Variants in ZNF497 observed in about 807,000 individuals in gnomAD.
ZNF497 encodes zinc finger-like protein.
For synonymous variants in ZNF497, 422 were observed against 313.7 expected (o/e 1.35, Z -3.65); for missense variants, 930 against 714.0 (o/e 1.30, Z -3.45).
chr19:58,356,136 G>T lies in ZNF497; in HGVS notation c.*3C>A. 6.5e-7 allele frequency: 1 copy of T among 1,533,710 alleles called. No homozygotes were observed. On this transcript the variant is annotated 3_prime_UTR_variant, in exon 3 of 3. Transcript: ENST00000311044. ...GCGACCTCCCGCTCAGGGCGTCCTC[G>T]GGTCAGGGCGCAGCGCGGCCCCCGT...
Position 58,357,285 on chromosome 19 carries a change from C to T in ZNF497, c.351G>A (p.Gln117=). 1 of 1,612,292 alleles carries T rather than the reference C, an allele frequency of 6.2e-7. No individual in the cohort carries two copies. ...GCCGATGCTGCAGCAAGTAAGAGCCCTGGCTGAACGCCTTGCCGCACTCCC... is the reference window on the plus strand; with the variant it reads ...GCCGATGCTGCAGCAAGTAAGAGCCTTGGCTGAACGCCTTGCCGCACTCCC... The part of the protein sequence containing the change: ...RCGECGKAFS[Q]GSYLLQHRRV... Residue 117 remains glutamine, a synonymous_variant, in exon 3 of 3, where the codon CAG becomes CAA. Coordinates refer to ENST00000311044, the MANE Select transcript of ZNF497 (RefSeq NM_198458.3).
chr19:58,356,746 C>T lies in ZNF497; in HGVS notation c.890G>A (p.Ser297Asn), dbSNP rs1359296580. The T allele has an allele frequency of 9.6e-6, 15 of 1,561,444 alleles. No homozygotes were observed. The highest frequency in any genetic ancestry group is 5.6e-5 in the Admixed American group (3 of 53,808). Residue 297 changes from serine to asparagine, a missense_variant, in exon 3 of 3, where the codon AGC becomes AAC. Coordinates refer to ENST00000311044, the MANE Select transcript of ZNF497 (RefSeq NM_198458.3). ...AGLRQHRRTH[S>N]SEKPFPCAEC... is the part of the protein sequence containing the mutation. ...GGCGCAGGGGAAGGGCTTCTCGCTG[C>T]TGTGCGTGCGCCGGTGCTGCCGCAG...
rs889948758 is a variant in ZNF497 at position 58,358,392 on chromosome 19, C to T, written c.-15+97G>A. The stretch of plus-strand genomic sequence containing the variant: ...AGCGAAGTCTCTACAGCGAGCAAAA[C>T]CCATCCTCATTTGCCCTGAGCACCT... On this transcript the variant is annotated intron_variant, in intron 2 of 2. Transcript: ENST00000311044. 1.7e-5 allele frequency: 20 copies of T among 1,167,950 alleles called. No homozygotes were observed. The African/African-American group carries it at 1.9e-4, about 11-fold the overall frequency. The allele number at this position is 1,167,950 out of a possible 1,614,324, so 72.3% of individuals were successfully genotyped here. A position where few individuals can be genotyped will look rare whatever the true frequency, so the allele number is the denominator to read the frequency against.
chr19:58,356,747 T>C lies in ZNF497; in HGVS notation c.889A>G (p.Ser297Gly). 1 of 1,566,260 alleles carries C rather than the reference T, an allele frequency of 6.4e-7. No homozygotes were observed. The highest frequency in any genetic ancestry group is 1.8e-5 in the Admixed American group (1 of 54,202). ...GCGCAGGGGAAGGGCTTCTCGCTGC[T>C]GTGCGTGCGCCGGTGCTGCCGCAGC... ...AGLRQHRRTH[S>G]SEKPFPCAEC... The change falls in exon 3 of 3, where the codon AGC becomes GGC. Residue 297 changes from serine (S) to glycine (G), a missense_variant. Ser to Gly is a moderately conservative substitution (Grantham distance 56). Coordinates refer to ENST00000311044, the MANE Select transcript of ZNF497 (RefSeq NM_198458.3).
At chr19:58,359,469 C>T in intron 1 of ZNF497, 2 of 457,638 alleles carry the variant, frequency 4.4e-6, no homozygotes, top group Non-Finnish European at 8.8e-6. Flanking sequence ...CCTGTGTGTC[C>T]AGGTGCCTGA....
rs1396936808 is a variant in ZNF497 at position 58,355,905 on chromosome 19, C to T, written c.*234G>A. 4.0e-6 allele frequency: 2 copies of T among 496,970 alleles called. No homozygotes were observed. Among genetic ancestry groups the T allele is most frequent in the Non-Finnish European group, 6.9e-6 (2 of 289,354 alleles). The allele number at this position is 496,970 out of a possible 1,614,324, so 30.8% of individuals were successfully genotyped here. ...TCGCCGAAGTGGAGCCTGCCGCCCT[C>T]CCTGGGGTAAGAGCCCATCCTACAT... On this transcript the variant is annotated 3_prime_UTR_variant, in exon 3 of 3. Coordinates refer to ENST00000311044, the MANE Select transcript of ZNF497 (RefSeq NM_198458.3).
In ZNF497 at chr19:58,356,757, C is replaced by G. The variant is rs1199431689; in HGVS notation, c.879G>C (p.Arg293=). 3.8e-6 allele frequency: 6 copies of G among 1,559,946 alleles called. No homozygotes were observed. Among genetic ancestry groups the G allele is most frequent in the Non-Finnish European group, 5.2e-6 (6 of 1,159,754 alleles). Residue 293 remains arginine (R), a synonymous_variant, in exon 3 of 3, where the codon CGG becomes CGC. Transcript: ENST00000311044. ...FVRVAGLRQH[R]RTHSSEKPFP... is the part of the protein sequence containing the mutation. Reference sequence around the variant, plus strand: ...AGGGCTTCTCGCTGCTGTGCGTGCGCCGGTGCTGCCGCAGCCCCGCCACAC... The same window carrying G: ...AGGGCTTCTCGCTGCTGTGCGTGCGGCGGTGCTGCCGCAGCCCCGCCACAC...
rs2052027515 is a variant in ZNF497, at chr19:58,356,756, G to C, written c.880C>G (p.Arg294Gly). The C allele has an allele frequency of 1.3e-6, 2 of 1,560,280 alleles. No homozygotes were observed. Among genetic ancestry groups the C allele is most frequent in the Middle Eastern group, 1.7e-4 (1 of 5,896 alleles). The change falls in exon 3 of 3, where the codon CGC (arginine) becomes GGC (glycine). Residue 294 changes from arginine to glycine, a missense_variant. Transcript: ENST00000311044. ...VRVAGLRQHR[R>G]THSSEKPFPC... is the part of the protein sequence containing the mutation. ...AAGGGCTTCTCGCTGCTGTGCGTGCGCCGGTGCTGCCGCAGCCCCGCCACA... is the reference window on the plus strand; with the variant it reads ...AAGGGCTTCTCGCTGCTGTGCGTGCCCCGGTGCTGCCGCAGCCCCGCCACA...
intron 2 of ZNF497, chr19:58,358,176 G>T: frequency 7.8e-7 from 1 of 1,290,008 alleles, no homozygotes; most frequent in Non-Finnish European, 1.0e-6. Flanking sequence ...TGGGCAGCAT[G>T]TCCAGGCTGG....
intron 1 of ZNF497, among the ~76,000 whole-genome samples, chr19:58,360,203 G>A (rs907765228): frequency 6.6e-6 from 1 of 152,172 alleles, no homozygotes; most frequent in Non-Finnish European, 1.5e-5. Flanking sequence ...TGGGAGTGAT[G>A]AAAATATTCT....
rs1402096235 is a variant in ZNF497 at position 58,357,479 on chromosome 19, C to G, written c.157G>C (p.Asp53His). The G allele has an allele frequency of 1.9e-6, 3 of 1,594,034 alleles. No homozygotes were observed. The Admixed American group carries it at 5.2e-5, about 28-fold the overall frequency. The change falls in exon 3 of 3, where the codon GAC becomes CAC. Residue 53 changes from aspartate to histidine, a missense_variant. Coordinates refer to ENST00000311044, the MANE Select transcript of ZNF497 (RefSeq NM_198458.3). ...NSTEVPREAG[D>H]GQRQQATLGA... ...AGTGTGGCTTGCTGCCGCTGGCCGT[C>G]CCCTGCCTCCCTCGGAACCTCCGTG...
rs1328847851 is a variant in ZNF497, at chr19:58,357,079, C to T, written c.557G>A (p.Gly186Asp). 1 of 1,607,974 alleles carries T rather than the reference C, an allele frequency of 6.2e-7. No individual in the cohort carries two copies. The highest frequency in any genetic ancestry group is 8.5e-7 in the Non-Finnish European group (1 of 1,175,966). Residue 186 changes from glycine (G) to aspartate (D), a missense_variant, in exon 3 of 3, where the codon GGC (glycine) becomes GAC (aspartate). Transcript: ENST00000311044. The stretch of plus-strand genomic sequence containing the variant: ...GTCCGGGCAGCGGAAGGGCTTCAGG[C>T]CGCTGTGTGTCTCCTGGTGGTGGAT... The part of the protein sequence containing the change: ...QLIHHQETHS[G>D]LKPFRCPDCG...
At position 58,362,733 on chromosome 19, in the gene ZNF497, G is replaced by C. The variant is rs952640395; in HGVS notation, c.-168C>G. On this transcript the variant is annotated 5_prime_UTR_variant, in exon 1 of 3. Transcript: ENST00000311044. ...GCGGCCTGAAAGAGGCCCGCACGCG[G>C]GCTCGAGCCGCGTGGAATGGTAGGA... The C allele has an allele frequency of 6.6e-6, 1 of 152,304 alleles. No homozygotes were observed. 9.4% of individuals were successfully genotyped at this position (152,304 alleles called of 1,614,324 possible).
intron 2 of ZNF497, chr19:58,357,860 C>G: frequency 2.3e-6 from 3 of 1,318,494 alleles, no homozygotes; most frequent in Non-Finnish European, 3.0e-6. Flanking sequence ...GCCTGCCTGA[C>G]AGGGCCACGT....
chr19:58,355,845 C>T lies in ZNF497; in HGVS notation c.*294G>A, dbSNP rs980713176. ...AGAAATAGCCACACCTGTCGGAGAC[C>T]CCAGTTCTTGCCCACCTCTGCATGG... On this transcript the variant is annotated 3_prime_UTR_variant, in exon 3 of 3. Transcript: ENST00000311044. The T allele has an allele frequency of 1.3e-5, 5 of 380,988 alleles. No homozygotes were observed. The highest frequency in any genetic ancestry group is 2.1e-5 in the African/African-American group (1 of 46,820). 23.6% of individuals were successfully genotyped at this position (380,988 alleles called of 1,614,324 possible). A position where few individuals can be genotyped will look rare whatever the true frequency, so the allele number is the denominator to read the frequency against.
Position 58,356,255 on chromosome 19 carries a change from G to T in ZNF497, c.1381C>A (p.Arg461=), listed in dbSNP as rs546110226. The T allele has an allele frequency of 8.7e-6, 14 of 1,604,740 alleles. No homozygotes were observed. In the Admixed American group the frequency reaches 2.4e-4, roughly 27 times the overall value. The change falls in exon 3 of 3, where the codon CGG becomes AGG. Residue 461 remains arginine (R), a synonymous_variant. Transcript: ENST00000311044. ...GGCCTCTCGCCCGTGTGCGTGCGCC[G>T]GTGGCTTAAGAGCTCCGACTTGCGC... The part of the protein sequence containing the change: ...FVRKSELLSH[R]RTHTGERPYA...
chr19:58,357,234 G>A lies in ZNF497; in HGVS notation c.402C>T (p.Tyr134=), dbSNP rs556384169. 28 of 1,613,082 alleles carry A rather than the reference G, an allele frequency of 1.7e-5. 1 individual carries two copies. The South Asian group carries it at 2.4e-4, about 14-fold the overall frequency. The change falls in exon 3 of 3, where the codon TAC becomes TAT. Residue 134 remains tyrosine (Y), a synonymous_variant. Coordinates refer to ENST00000311044, the MANE Select transcript of ZNF497 (RefSeq NM_198458.3). ...HRRVHTGEKP[Y]TCPECGKAFA... The stretch of plus-strand genomic sequence containing the variant: ...AGGCCTTGCCGCACTCGGGGCACGT[G>A]TACGGCTTCTCGCCTGTGTGCACGC...
chr19:58,358,926 C>A (rs1461494719), intron 1 of ZNF497: 1 of 455,634 alleles, frequency 2.2e-6, no homozygotes. Context: ...CCAGCTGACT[C>A]CTGCTGTAGC....
At chr19:58,358,737 G>A (rs1199223162) in intron 1 of ZNF497, 152 bp from the exon 2 acceptor site, 3 of 466,316 alleles carry the variant, frequency 6.4e-6, no homozygotes, top group East Asian at 6.9e-5. Flanking sequence ...GGAGATCTCT[G>A]ACTCTGCCGT....
Sources: allele counts gnomAD v4.1 joint callset (sites outside exome capture counted in the v4.1 genomes callset), GRCh38; gene constraint gnomAD v4.1.1; transcripts MANE v1.5; gene names NCBI Gene and HGNC (gene_info 2026-07-23, HGNC 2026-07-21).